The following SIPA1L3 variants were observed in gnomAD, a reference collection of about 807,000 sequenced individuals.
SIPA1L3 encodes signal induced proliferation associated 1 like 3.
SIPA1L3 carries 59 observed loss-of-function variants against 150.1 expected under a neutral mutation model. The ratio of observed to expected loss-of-function variants is 0.39; its 90% CI spans 0.32 to 0.49. The LOEUF (loss-of-function observed/expected upper bound fraction) is 0.49. Among genes scored for constraint, SIPA1L3 ranks in the 20% least tolerant of loss-of-function variants. The probability of loss-of-function intolerance (pLI) is 0.86; values close to 1 mark genes in which losing one functional copy is unlikely to be tolerated. For missense variants in SIPA1L3, 2,211 were observed against 2,489.5 expected, an observed-to-expected ratio of 0.89 and a Z score of 2.38; for synonymous variants, 1,070 against 1,077.6, an observed-to-expected ratio of 0.99 and a Z score of 0.14.
intron 3 of SIPA1L3, among the ~76,000 whole-genome samples, chr19:38,084,829 A>G (rs191192697): frequency 1.4e-3 from 213 of 151,846 alleles, no homozygotes; most frequent in African/African-American, 4.7e-3. Flanking sequence ...TAGTAGAGAC[A>G]GGGTTTCTCC....
chr19:38,058,585 C>T (rs1400931778), intron 2 of SIPA1L3, among the ~76,000 whole-genome samples: 2 of 152,182 alleles, frequency 1.3e-5, no homozygotes, highest in African/African-American at 2.4e-5. Context: ...TGTGTTCATC[C>T]AGGCGAAGTG....
At chr19:38,014,544 CTTTTTTTT>C (rs72101453) in intron 1 of SIPA1L3, among the ~76,000 whole-genome samples, 4,035 of 116,814 alleles carry the variant, frequency 0.035, 84 homozygotes, top group Non-Finnish European at 0.052. Flanking sequence ...ACACCACATT[CTTTTTTTT>C]TTTTTTTTTT....
At chr19:38,044,074 G>C (rs963695285) in intron 2 of SIPA1L3, among the ~76,000 whole-genome samples, 1 of 152,202 alleles carries the variant, frequency 6.6e-6, no homozygotes, top group African/African-American at 2.4e-5. Context: ...TGATGGCCTG[G>C]ATGTAGGGGT....
At chr19:38,065,475 G>A in intron 2 of SIPA1L3, among the ~76,000 whole-genome samples, 1 of 149,740 alleles carries the variant, frequency 6.7e-6, no homozygotes, top group South Asian at 2.1e-4. Context: ...GAGTACAGTG[G>A]TGCGATCTTG....
chr19:38,071,620 G>A (rs1439808231), intron 2 of SIPA1L3, among the ~76,000 whole-genome samples: 2 of 152,152 alleles, frequency 1.3e-5, no homozygotes, highest in Admixed American at 1.3e-4. Flanking sequence ...TTTTTTTAGA[G>A]ACAGGGTCTC....
chr19:38,129,851 G>A (rs1288915740), intron 9 of SIPA1L3, among the ~76,000 whole-genome samples: 3 of 152,166 alleles, frequency 2.0e-5, no homozygotes, highest in African/African-American at 7.2e-5. Context: ...TGGATCATCT[G>A]AGGTCAGGAG....
chr19:38,089,739 A>C (rs1970220024), intron 4 of SIPA1L3, among the ~76,000 whole-genome samples: 1 of 152,260 alleles, frequency 6.6e-6, no homozygotes, highest in Admixed American at 6.5e-5. Flanking sequence ...TGGGGCACCC[A>C]TGCTCTATTA....
intron 1 of SIPA1L3, among the ~76,000 whole-genome samples, chr19:38,001,738 T>C (rs1438677434): frequency 6.6e-6 from 1 of 152,258 alleles, no homozygotes; most frequent in African/African-American, 2.4e-5. Flanking sequence ...CTGCAGTTTT[T>C]TAGTACTTTT....
intron 4 of SIPA1L3, among the ~76,000 whole-genome samples, chr19:38,099,070 C>CT (rs1169596569): frequency 6.6e-6 from 1 of 151,870 alleles, no homozygotes; most frequent in Non-Finnish European, 1.5e-5. Context: ...GAGTGTTGCT[C>CT]TGTTGCCCAG....
rs1973277197 is a variant in SIPA1L3, at chr19:38,208,358, G to A, written c.*2118G>A. Reference sequence around the variant, plus strand: ...TCTGGAGGTTTCAAAGGAAATAAAGGTTTCATAGAAATGGCTTGTGTGTTC... The same window carrying A: ...TCTGGAGGTTTCAAAGGAAATAAAGATTTCATAGAAATGGCTTGTGTGTTC... On this transcript the variant is annotated 3_prime_UTR_variant, in exon 22 of 22. Transcript: ENST00000222345. The A allele has an allele frequency of 6.6e-6, 1 of 151,464 alleles. No individual in the cohort carries two copies. Among genetic ancestry groups the A allele is most frequent in the Admixed American group, 6.6e-5 (1 of 15,110 alleles). 9.4% of individuals were successfully genotyped at this position (151,464 alleles called of 1,614,324 possible). A position where few individuals can be genotyped will look rare whatever the true frequency, so the allele number is the denominator to read the frequency against.
intron 1 of SIPA1L3, among the ~76,000 whole-genome samples, chr19:37,977,249 C>A (rs1036835726): frequency 6.6e-6 from 1 of 152,154 alleles, no homozygotes; most frequent in African/African-American, 2.4e-5. Flanking sequence ...ACTGCAACCT[C>A]CACCTCCTGG....
chr19:38,175,593 C>T (rs1972419104), intron 15 of SIPA1L3, among the ~76,000 whole-genome samples: 2 of 152,174 alleles, frequency 1.3e-5, no homozygotes, highest in South Asian at 4.1e-4. Flanking sequence ...CCCGCTACCA[C>T]CAGTGCTGTC....
intron 2 of SIPA1L3, among the ~76,000 whole-genome samples, chr19:38,072,993 C>T (rs984077923): frequency 1.3e-5 from 2 of 152,218 alleles, no homozygotes; most frequent in Admixed American, 6.5e-5. Context: ...GACCCTGATG[C>T]GTCCCCACTG....
intron 1 of SIPA1L3, among the ~76,000 whole-genome samples, chr19:38,008,320 C>T (rs893842776): frequency 2.7e-5 from 4 of 149,976 alleles, no homozygotes; most frequent in African/African-American, 4.9e-5. Context: ...CTCTGCCTCC[C>T]GGGTTCAAGC....
At chr19:38,187,071 C>G (rs1972698540) in intron 16 of SIPA1L3, among the ~76,000 whole-genome samples, 1 of 150,448 alleles carries the variant, frequency 6.6e-6, no homozygotes, top group African/African-American at 2.4e-5. Flanking sequence ...TCCCAGCACT[C>G]TGGAAGGCCG....
intron 19 of SIPA1L3, among the ~76,000 whole-genome samples, chr19:38,199,661 TGGAGG>T: frequency 6.6e-6 from 1 of 151,956 alleles, no homozygotes; most frequent in South Asian, 2.1e-4. Flanking sequence ...AGCACCACCA[TGGAGG>T]TGCCTCCCCG....
intron 13 of SIPA1L3, 105 bp from the exon 14 acceptor site, chr19:38,162,147 TG>T: frequency 1.3e-6 from 1 of 796,022 alleles, no homozygotes; most frequent in Non-Finnish European, 2.2e-6. Flanking sequence ...TGTAAATTGA[TG>T]GGGTCATGCC....
intron 6 of SIPA1L3, among the ~76,000 whole-genome samples, chr19:38,101,515 A>T (rs1970503197): frequency 6.6e-6 from 1 of 152,038 alleles, no homozygotes. Context: ...TTCAAGCAAG[A>T]TTCTCCTGCC....
chr19:37,958,585 A>G (rs2046830686), intron 1 of SIPA1L3, among the ~76,000 whole-genome samples: 1 of 152,250 alleles, frequency 6.6e-6, no homozygotes. Flanking sequence ...AAGATTATAT[A>G]TTTGTGACCT....
Sources: gnomAD v4.1 joint callset for allele counts (sites outside exome capture counted in the v4.1 genomes callset) on GRCh38, gnomAD v4.1.1 for gene constraint, MANE v1.5 for transcripts, NCBI Gene and HGNC (gene_info 2026-07-23, HGNC 2026-07-21) for gene names.